The following NRG3 variants were observed in gnomAD, a reference collection of about 807,000 sequenced individuals.
The protein encoded by NRG3 is pro-neuregulin-3, membrane-bound isoform.
A neutral mutation model predicts 66.9 loss-of-function variants in NRG3; 31 were observed. The ratio of observed to expected loss-of-function variants is 0.46; its 90% confidence interval spans 0.35 to 0.63. The LOEUF (loss-of-function observed/expected upper bound fraction) is 0.63. NRG3 is among the 20% of genes least tolerant of loss of function. NRG3 has a pLI of 0.00. For synonymous variants in NRG3, 393 were observed against 359.4 expected, an observed-to-expected ratio of 1.09 and a Z score of -1.06; for missense variants, 910 against 878.9, an observed-to-expected ratio of 1.04 and a Z score of -0.45.
intron 2 of NRG3, among the ~76,000 whole-genome samples, chr10:82,509,217 C>G (rs988225260): frequency 6.6e-6 from 1 of 152,128 alleles, no homozygotes; most frequent in African/African-American, 2.4e-5. Context: ...TCAATGACAA[C>G]AGAAACAGAC....
At chr10:82,241,609 C>T (rs1284000526) in intron 1 of NRG3, among the ~76,000 whole-genome samples, 8 of 151,982 alleles carry the variant, frequency 5.3e-5, no homozygotes, top group South Asian at 2.1e-4. Flanking sequence ...GGTGTAAGTC[C>T]GTATTTCTTT....
intron 1 of NRG3, among the ~76,000 whole-genome samples, chr10:82,022,159 G>A (rs115576932): frequency 1.7e-3 from 257 of 152,182 alleles, no homozygotes; most frequent in African/African-American, 5.8e-3. Context: ...TAAGCAAAAT[G>A]TGCTTCAGGT....
At chr10:82,378,912 G>C (rs187174840) in intron 2 of NRG3, among the ~76,000 whole-genome samples, 6 of 152,158 alleles carry the variant, frequency 3.9e-5, no homozygotes, top group African/African-American at 1.4e-4. Context: ...CTATGGCCTG[G>C]TGTGCTATAT....
At chr10:82,039,868 A>G (rs1348559108) in intron 1 of NRG3, among the ~76,000 whole-genome samples, 3 of 152,096 alleles carry the variant, frequency 2.0e-5, no homozygotes, top group Non-Finnish European at 4.4e-5. Context: ...ATCCTTCCTC[A>G]TTCTTTGCAA....
intron 4 of NRG3, among the ~76,000 whole-genome samples, chr10:82,928,368 T>C (rs1847221766): frequency 6.6e-6 from 1 of 152,208 alleles, no homozygotes; most frequent in South Asian, 2.1e-4. Context: ...CAATTTTGGC[T>C]TTTGCTGCCA....
chr10:82,909,932 G>A (rs894203865), intron 4 of NRG3, among the ~76,000 whole-genome samples: 1 of 152,082 alleles, frequency 6.6e-6, no homozygotes, highest in Non-Finnish European at 1.5e-5. Context: ...GAAACAGAAG[G>A]ATAAACTGTT....
intron 1 of NRG3, among the ~76,000 whole-genome samples, chr10:82,008,036 A>G (rs938339690): frequency 1.3e-5 from 2 of 152,152 alleles, no homozygotes; most frequent in Non-Finnish European, 2.9e-5. Flanking sequence ...ATTGCTCACC[A>G]ATTTGCCAGG....
At chr10:82,224,218 G>A (rs936908063) in intron 1 of NRG3, 3 of 152,146 alleles carry the variant, frequency 2.0e-5, no homozygotes, top group Admixed American at 6.6e-5. Flanking sequence ...ATTCTAGGAG[G>A]TGGCTAATAC....
In NRG3 at chr10:82,047,175, T is replaced by A. The variant is rs1164538287; in HGVS notation, c.823+171012T>A. 2.0e-5 allele frequency among the ~76,000 whole-genome samples: 3 copies of A among 151,574 alleles called. No homozygotes were observed. In the East Asian group the frequency reaches 5.9e-4, roughly 30 times the overall value. The stretch of plus-strand genomic sequence containing the variant: ...GTTCCTCCTTGTACCTCTGGTAGAA[T>A]TCGGCTGTGAATCCATCTGGTCCTG... On this transcript the variant is annotated intron_variant, in intron 1 of 8. Transcript: ENST00000372141.
intron 1 of NRG3, among the ~76,000 whole-genome samples, chr10:82,036,932 A>G (rs1439391516): frequency 2.0e-5 from 3 of 152,182 alleles, no homozygotes; most frequent in Admixed American, 6.5e-5. Flanking sequence ...GTCAATAGCC[A>G]GATTCACCAT....
intron 1 of NRG3, among the ~76,000 whole-genome samples, chr10:81,969,787 G>A (rs1007441285): frequency 4.6e-5 from 7 of 152,020 alleles, no homozygotes; most frequent in Non-Finnish European, 8.8e-5. Flanking sequence ...GTGTGTGTGT[G>A]TGTGTGTGTG....
chr10:82,760,362 A>G (rs962464281), intron 3 of NRG3, among the ~76,000 whole-genome samples: 3 of 152,212 alleles, frequency 2.0e-5, no homozygotes, highest in Non-Finnish European at 4.4e-5. Flanking sequence ...GAAAATCTTC[A>G]TAAGAGAATT....
At chr10:82,835,670 T>C (rs1455042791) in intron 3 of NRG3, among the ~76,000 whole-genome samples, 2 of 152,142 alleles carry the variant, frequency 1.3e-5, no homozygotes, top group African/African-American at 4.8e-5. Context: ...TTCTGAGCTT[T>C]TATGAAGTTG....
At position 82,383,903 on chromosome 10, in the gene NRG3, G is replaced by A. The variant is rs144913197; in HGVS notation, c.953+25035G>A. On this transcript the variant is annotated intron_variant, in intron 2 of 8. Transcript: ENST00000372141. ...CTATTTAATTATCCTGGTTAAATAT[G>A]TTTCTCATTCTTTTATGTCTTTTTA... Among the ~76,000 whole-genome samples, 1,085 of 151,904 alleles carry A rather than the reference G, an allele frequency of 7.1e-3. 43 individuals are homozygous for A. The highest frequency in any genetic ancestry group is 0.06 in the Admixed American group (914 of 15,252).
chr10:81,902,877 G>A (rs910075494), intron 1 of NRG3, among the ~76,000 whole-genome samples: 2 of 152,078 alleles, frequency 1.3e-5, no homozygotes, highest in Non-Finnish European at 2.9e-5. Context: ...AAAAATAATA[G>A]TAAAATTGAC....
At chr10:82,155,745 G>T (rs1390007525) in intron 1 of NRG3, among the ~76,000 whole-genome samples, 1 of 151,588 alleles carries the variant, frequency 6.6e-6, no homozygotes, top group Non-Finnish European at 1.5e-5. Context: ...AATATTGACT[G>T]GTGACCATGT....
chr10:82,084,142 T>C (rs948232075), intron 1 of NRG3, among the ~76,000 whole-genome samples: 16 of 151,952 alleles, frequency 1.1e-4, no homozygotes, highest in African/African-American at 3.4e-4. Flanking sequence ...GCAGGAGAAT[T>C]GCTTGAACCT....
At chr10:82,265,202 A>G (rs559008672) in intron 1 of NRG3, among the ~76,000 whole-genome samples, 2 of 152,326 alleles carry the variant, frequency 1.3e-5, no homozygotes, top group South Asian at 4.1e-4. Context: ...ATTTATAGTA[A>G]GACCAGTCAG....
At chr10:82,802,793 C>T (rs2061102298) in intron 3 of NRG3, among the ~76,000 whole-genome samples, 1 of 152,040 alleles carries the variant, frequency 6.6e-6, no homozygotes, top group African/African-American at 2.4e-5. Flanking sequence ...GCTGGGACTA[C>T]AGGCACGCAC....
Sources: gnomAD v4.1 joint callset for allele counts (sites outside exome capture counted in the v4.1 genomes callset) on GRCh38, gnomAD v4.1.1 for gene constraint, MANE v1.5 for transcripts, NCBI Gene and HGNC (gene_info 2026-07-23, HGNC 2026-07-21) for gene names.